PIWIL1: variants seen among roughly 807,000 people sequenced by gnomAD.
PIWIL1 encodes piwi like RNA-mediated gene silencing 1.
In PIWIL1, 73 loss-of-function variants were observed where a neutral mutation model predicts 114.4. That is an observed-to-expected ratio of 0.64 (90% CI 0.53 to 0.78). The LOEUF (loss-of-function observed/expected upper bound fraction) is 0.78, where lower values mean the gene tolerates loss of function less well. Among genes scored for constraint, PIWIL1 ranks in the 30% least tolerant of loss-of-function variants. PIWIL1 has a pLI of 0.00. For missense variants in PIWIL1, 723 were observed against 1,063.1 expected (o/e 0.68, Z 4.45); for synonymous variants, 375 against 369.0 (o/e 1.02, Z -0.19).
chr12:130,351,496 A>G (rs979334497), intron 9 of PIWIL1: 1 of 152,076 alleles, frequency 6.6e-6, no homozygotes, highest in African/African-American at 2.4e-5. Flanking sequence ...ACTCAAAGAT[A>G]CCTCTCCCAT....
At chr12:130,416,603 C>T in the PIWIL1 span, among the ~76,000 whole-genome samples, 9 of 152,162 alleles carry the variant, frequency 5.9e-5, no homozygotes, top group Non-Finnish European at 1.3e-4. Context: ...GAACGTAAGA[C>T]CTCAAATTAC....
chr12:130,414,113 G>A, the PIWIL1 span: 4,713 of 1,613,834 alleles, frequency 2.9e-3, 6 homozygotes, highest in Non-Finnish European at 3.7e-3. Flanking sequence ...CCCGCAGGCA[G>A]CCATCCCGCA....
intron 3 of PIWIL1, 169 bp from the exon 4 acceptor site, chr12:130,345,584 T>G: frequency 1.6e-6 from 1 of 641,078 alleles, no homozygotes; most frequent in Non-Finnish European, 2.6e-6. Context: ...TAGGAAACCA[T>G]TCTCTCGTTA....
the PIWIL1 span, among the ~76,000 whole-genome samples, chr12:130,394,298 T>G: frequency 1.3e-5 from 2 of 152,202 alleles, no homozygotes; most frequent in Non-Finnish European, 2.9e-5. Context: ...AGGAAGGGGC[T>G]GCGCCAGCTG....
At chr12:130,339,103 C>T (rs1425533853) in intron 1 of PIWIL1, among the ~76,000 whole-genome samples, 2 of 152,070 alleles carry the variant, frequency 1.3e-5, no homozygotes, top group African/African-American at 4.8e-5. Flanking sequence ...CGCTGCGCTG[C>T]GCCCCCGGGA....
At chr12:130,347,925 AC>A (rs1023122897) in intron 6 of PIWIL1, among the ~76,000 whole-genome samples, 177 bp from the exon 7 acceptor site, 41 of 152,320 alleles carry the variant, frequency 2.7e-4, no homozygotes, top group African/African-American at 9.6e-4. Context: ...ATTTTTTCCA[AC>A]CTCAAAGATA....
the PIWIL1 span, chr12:130,424,697 C>T: frequency 3.2e-6 from 4 of 1,232,188 alleles, no homozygotes; most frequent in Non-Finnish European, 4.0e-6. The surrounding 1 kb of genome is among the most constrained non-coding windows in gnomAD (Gnocchi z 9.8). Context: ...CCGTCCTGGC[C>T]CTGGGGGACG....
chr12:130,339,341 T>A (rs1359086094), intron 1 of PIWIL1: 1 of 152,300 alleles, frequency 6.6e-6, no homozygotes, highest in Non-Finnish European at 1.5e-5. Context: ...GCTGCACCCC[T>A]GCGCAGCCTG....
At chr12:130,376,880 G>A (rs1257362800), downstream of PIWIL1, among the ~76,000 whole-genome samples, 1 of 152,110 alleles carries the variant, frequency 6.6e-6, no homozygotes, top group Non-Finnish European at 1.5e-5. Context: ...TTCCCATGTT[G>A]TGTCATCCCA....
At chr12:130,393,283 G>A in the PIWIL1 span, among the ~76,000 whole-genome samples, 1 of 132,574 alleles carries the variant, frequency 7.5e-6, no homozygotes, top group Admixed American at 7.5e-5. Flanking sequence ...GTCATCACAT[G>A]TGTGCGTCAG....
the PIWIL1 span, chr12:130,414,006 G>A: frequency 2.4e-4 from 256 of 1,086,886 alleles, 1 homozygote; most frequent in Non-Finnish European, 3.1e-4. Flanking sequence ...CCCGTGCCTC[G>A]CCCATGGCCT....
intron 1 of PIWIL1, among the ~76,000 whole-genome samples, chr12:130,341,989 C>T (rs553488806): frequency 2.0e-5 from 3 of 152,136 alleles, no homozygotes; most frequent in Non-Finnish European, 2.9e-5. Context: ...GGTGATGCCA[C>T]TCACCAAGAA....
chr12:130,349,351 A>T lies in PIWIL1; in HGVS notation c.847A>T (p.Met283Leu), dbSNP rs1335495468. ...VLRSETVLDF[M>L]FNFYHQTEEH... Reference sequence around the variant, plus strand: ...TCGAAGTGAGACTGTTTTGGATTTCATGTTCAACTTTTATCATCAGACAGA... The same window carrying T: ...TCGAAGTGAGACTGTTTTGGATTTCTTGTTCAACTTTTATCATCAGACAGA... Residue 283 changes from methionine to leucine, a missense_variant, in exon 8 of 21, where the codon ATG becomes TTG. By Grantham distance (15) the Met-to-Leu change is conservative. This residue lies in a region of PIWIL1 where 190 missense variants were observed against 294.4 expected (regional missense o/e 0.65). Transcript: ENST00000245255. 2 of 1,613,660 alleles carry T rather than the reference A, an allele frequency of 1.2e-6. No homozygotes were observed. The highest frequency in any genetic ancestry group is 2.7e-5 in the African/African-American group (2 of 74,914).
At chr12:130,373,552 G>GT (rs1270261446), downstream of PIWIL1, among the ~76,000 whole-genome samples, 3 of 152,070 alleles carry the variant, frequency 2.0e-5, no homozygotes, top group African/African-American at 7.2e-5. Context: ...ATCATCCTAG[G>GT]TAACACTTCC....
chr12:130,368,978 C>T (rs9740046), intron 19 of PIWIL1, among the ~76,000 whole-genome samples: 4,769 of 152,004 alleles, frequency 0.031, 77 homozygotes, highest in Middle Eastern at 0.044. Context: ...CACTTATCAA[C>T]CCATCACCTA....
chr12:130,393,541 G>T, the PIWIL1 span, among the ~76,000 whole-genome samples: 1 of 151,292 alleles, frequency 6.6e-6, no homozygotes, highest in South Asian at 2.1e-4. Flanking sequence ...ATCAGTTCTG[G>T]TGAATACTGA....
intron 19 of PIWIL1, among the ~76,000 whole-genome samples, chr12:130,368,060 A>G (rs1458202594): frequency 6.6e-6 from 1 of 152,168 alleles, no homozygotes; most frequent in African/African-American, 2.4e-5. Flanking sequence ...AGCCTCCTAA[A>G]GTGCTGGGAT....
chr12:130,414,176 G>A, the PIWIL1 span: 10 of 1,614,210 alleles, frequency 6.2e-6, no homozygotes, highest in Admixed American at 1.7e-5. Context: ...CAGCATCTGG[G>A]TTTGGGGACA....
the PIWIL1 span, chr12:130,414,582 G>C: frequency 3.5e-6 from 1 of 287,754 alleles, no homozygotes; most frequent in Admixed American, 4.7e-5. Context: ...AGCACAGGCT[G>C]GGGCAGGGGC....
Sources: allele counts gnomAD v4.1 joint callset (sites outside exome capture counted in the v4.1 genomes callset), GRCh38; gene constraint gnomAD v4.1.1; regional missense constraint gnomAD v4.1.1; non-coding constraint Gnocchi (gnomAD v3.1); transcripts MANE v1.5; gene names NCBI Gene and HGNC (gene_info 2026-07-23, HGNC 2026-07-21).